The following CEP135 variants were observed in gnomAD, a reference collection of about 807,000 sequenced individuals.
The protein encoded by CEP135 is centrosomal protein of 135 kDa.
CEP135 carries 142 observed loss-of-function variants against 157.3 expected under a neutral mutation model. The ratio of observed to expected loss-of-function variants is 0.90; its 90% CI spans 0.79 to 1.04. The LOEUF is 1.04. Among genes scored for constraint, CEP135 ranks in the 50% least tolerant of loss-of-function variants. The pLI, the probability that CEP135 is intolerant of heterozygous loss-of-function variation, is 0.00. For missense variants in CEP135, 1,317 were observed against 1,309.2 expected (o/e 1.01, Z -0.09); for synonymous variants, 396 against 439.8 (o/e 0.90, Z 1.25).
At chr4:56,008,225 T>A (rs910121911) in intron 17 of CEP135, 102 bp from the exon 18 acceptor site, 1 of 787,330 alleles carries the variant, frequency 1.3e-6, no homozygotes, top group Non-Finnish European at 2.1e-6. Context: ...ATACTTTATA[T>A]AATTGAGCTG....
chr4:55,981,244 T>G lies in CEP135; in HGVS notation c.1644T>G (p.Ser548=). 6.3e-7 allele frequency: 1 copy of G among 1,585,070 alleles called. No individual in the cohort carries two copies. Among genetic ancestry groups the G allele is most frequent in the Non-Finnish European group, 8.5e-7 (1 of 1,172,100 alleles). The part of the protein sequence containing the change: ...VLYNEAQEEL[S]ALRKESTQTT... ...TCTTTAAGGCTCAGGAAGAATTATCTGCCCTAAGAAAGGAATCCACCCAAA... is the reference window on the plus strand; with the variant it reads ...TCTTTAAGGCTCAGGAAGAATTATCGGCCCTAAGAAAGGAATCCACCCAAA... Residue 548 remains serine, a synonymous_variant, in exon 13 of 26, where the codon TCT becomes TCG. Transcript: ENST00000257287.
chr4:55,992,198 G>C lies in CEP135; in HGVS notation c.2009+113G>C, dbSNP rs1010456750. The C allele has an allele frequency of 2.8e-5, 28 of 997,656 alleles. No individual in the cohort carries two copies. In the African/African-American group the frequency reaches 4.8e-4, roughly 17 times the overall value. 61.8% of individuals were successfully genotyped at this position (997,656 alleles called of 1,614,324 possible). A position where few individuals can be genotyped will look rare whatever the true frequency, so the allele number is the denominator to read the frequency against. Reference sequence around the variant, plus strand: ...CCTTTGTGCAGTAGTTTTAGAAGTTGGCTTTGCAGTAGACTCACCTGGGAG... The same window carrying C: ...CCTTTGTGCAGTAGTTTTAGAAGTTCGCTTTGCAGTAGACTCACCTGGGAG... On this transcript the variant is annotated intron_variant, in intron 15 of 25. Transcript: ENST00000257287.
intron 10 of CEP135, among the ~76,000 whole-genome samples, chr4:55,972,590 CTACT>C (rs2109669917): frequency 6.6e-6 from 1 of 152,316 alleles, no homozygotes; most frequent in South Asian, 2.1e-4. Context: ...GAACTCCTCT[CTACT>C]TATTAGCATG....
chr4:56,008,340 C>A lies in CEP135; in HGVS notation c.2294C>A (p.Ala765Asp), dbSNP rs1431916784. ...ENLANKEKAVAQMKIMISECE... is the reference protein window; with the variant it reads ...ENLANKEKAVDQMKIMISECE... ...TAATTTCTATAGGAAAAAGCTGTTG[C>A]TCAAATGAAGATAATGATCTCAGAG... The change falls in exon 18 of 26, where the codon GCT becomes GAT. Residue 765 changes from alanine to aspartate, a missense_variant. Transcript: ENST00000257287. The A allele has an allele frequency of 1.2e-6, 2 of 1,608,816 alleles. No individual in the cohort carries two copies. The highest frequency in any genetic ancestry group is 2.2e-5 in the South Asian group (2 of 89,808).
At chr4:55,993,356 G>A (rs894751665) in intron 15 of CEP135, among the ~76,000 whole-genome samples, 6 of 152,206 alleles carry the variant, frequency 3.9e-5, no homozygotes, top group Non-Finnish European at 7.3e-5. Context: ...AGGGTTCTCT[G>A]ATTGTCTAAT....
At chr4:56,024,750 T>C (rs1384949997) in intron 25 of CEP135, 136 bp downstream of exon 25, 4 of 628,778 alleles carry the variant, frequency 6.4e-6, no homozygotes, top group Non-Finnish European at 1.1e-5. Flanking sequence ...GGAAAAGTTC[T>C]ATATCTTGGT....
intron 17 of CEP135, among the ~76,000 whole-genome samples, chr4:56,000,485 G>A (rs749430487): frequency 6.6e-6 from 1 of 151,908 alleles, no homozygotes; most frequent in Admixed American, 6.6e-5. Flanking sequence ...CTCTCTTCAC[G>A]CCTCCTCCCT....
At chr4:55,974,594 C>T (rs1729131185) in intron 10 of CEP135, 152 bp from the exon 11 acceptor site, 1 of 554,284 alleles carries the variant, frequency 1.8e-6, no homozygotes, top group South Asian at 3.3e-5. Flanking sequence ...TCAATATTTA[C>T]CTCTTCAATA....
chr4:55,968,857 A>G (rs1728925659), intron 8 of CEP135, among the ~76,000 whole-genome samples: 1 of 152,186 alleles, frequency 6.6e-6, no homozygotes, highest in Non-Finnish European at 1.5e-5. Context: ...AGATGTTACA[A>G]GTAGGCTCCT....
chr4:55,968,161 A>G (rs1728901884), intron 8 of CEP135, among the ~76,000 whole-genome samples: 1 of 152,240 alleles, frequency 6.6e-6, no homozygotes, highest in Non-Finnish European at 1.5e-5. Context: ...CCCATCTGCA[A>G]TAGCATCAAA....
intron 17 of CEP135, among the ~76,000 whole-genome samples, chr4:56,002,003 G>A (rs920330345): frequency 6.6e-6 from 1 of 151,816 alleles, no homozygotes; most frequent in African/African-American, 2.4e-5. Context: ...TCTATTCTTT[G>A]CAGCTATTGT....
chr4:56,011,357 AAATT>A, intron 19 of CEP135, 51 bp from the exon 20 acceptor site: 1 of 1,158,450 alleles, frequency 8.6e-7, no homozygotes. Context: ...AATATAAATA[AAATT>A]TATTTGGTGT....
At chr4:55,949,151 G>C (rs1464857327) in intron 1 of CEP135, 92 bp downstream of exon 1, 1 of 152,938 alleles carries the variant, frequency 6.5e-6, no homozygotes, top group Non-Finnish European at 1.5e-5. Context: ...CTCGGGCACT[G>C]CCGGGAGGCC....
At chr4:56,019,313 A>T in intron 22 of CEP135, 40 bp from the exon 23 acceptor site, 1 of 1,495,406 alleles carries the variant, frequency 6.7e-7, no homozygotes, top group Non-Finnish European at 9.1e-7. Flanking sequence ...GAGTAAGTTT[A>T]AAATTGTACT....
At chr4:55,952,296 A>C in intron 2 of CEP135, 53 bp downstream of exon 2, 49 of 1,007,650 alleles carry the variant, frequency 4.9e-5, no homozygotes, top group Non-Finnish European at 6.7e-5. Context: ...CACTTACCTC[A>C]TTTCTGATTG....
At chr4:55,954,143 A>G in intron 3 of CEP135, 73 bp from the exon 4 acceptor site, 1 of 1,352,558 alleles carries the variant, frequency 7.4e-7, no homozygotes. Flanking sequence ...GACTTTTTGT[A>G]TTTTGTGAAA....
rs1560431155 is a variant in CEP135 at position 56,032,606 on chromosome 4, A to G, written c.*1258A>G. The stretch of plus-strand genomic sequence containing the variant: ...TTTAACGCCGAACTGTGTAATATAC[A>G]TGGAAAACAGCTTTTTACAATTAAT... On this transcript the variant is annotated 3_prime_UTR_variant, in exon 26 of 26. Transcript: ENST00000257287. The G allele has an allele frequency of 6.6e-6, 1 of 152,188 alleles. No homozygotes were observed. 9.4% of individuals were successfully genotyped at this position (152,188 alleles called of 1,614,324 possible). A position where few individuals can be genotyped will look rare whatever the true frequency, so the allele number is the denominator to read the frequency against.
chr4:55,964,324 T>C lies in CEP135; in HGVS notation c.750T>C (p.Gly250=), dbSNP rs1560400477. 6.2e-7 allele frequency: 1 copy of C among 1,613,590 alleles called. No homozygotes were observed. The change falls in exon 7 of 26, where the codon GGT becomes GGC. Residue 250 remains glycine (G), a synonymous_variant. Coordinates refer to ENST00000257287, the MANE Select transcript of CEP135 (RefSeq NM_025009.5). ...AACGACTGTCAGTTGCTTTGGATGGTGGTCGGTCCCCTGATGTCCTTTCTC... is the reference window on the plus strand; with the variant it reads ...AACGACTGTCAGTTGCTTTGGATGGCGGTCGGTCCCCTGATGTCCTTTCTC... The part of the protein sequence containing the change: ...EIERLSVALD[G]GRSPDVLSLE...
chr4:56,014,447 A>G (rs1219646878), intron 21 of CEP135, among the ~76,000 whole-genome samples: 2 of 152,246 alleles, frequency 1.3e-5, no homozygotes, highest in Non-Finnish European at 2.9e-5. Flanking sequence ...TACAGAATAC[A>G]TATGTTGTCA....
Sources: gnomAD v4.1 joint callset for allele counts (sites outside exome capture counted in the v4.1 genomes callset) on GRCh38, gnomAD v4.1.1 for gene constraint, MANE v1.5 for transcripts, NCBI Gene and HGNC (gene_info 2026-07-23, HGNC 2026-07-21) for gene names.